Variants in CDH18 observed in about 807,000 individuals in gnomAD.
CDH18 encodes cadherin 18, also known as cadherin-18.
In CDH18, 31 loss-of-function variants were observed where a neutral mutation model predicts 67.9. The observed-to-expected ratio is 0.46, with a 90% CI of 0.34 to 0.62. The LOEUF (loss-of-function observed/expected upper bound fraction) is 0.62. CDH18 is among the 20% of genes least tolerant of loss of function. CDH18 has a pLI of 0.01. For missense variants in CDH18, 890 were observed against 975.5 expected, an observed-to-expected ratio of 0.91 and a Z score of 1.17; for synonymous variants, 362 against 347.2, an observed-to-expected ratio of 1.04 and a Z score of -0.48.
At position 20,028,103 on chromosome 5, in the gene CDH18, A is replaced by ATTT. The variant is rs560141098; in HGVS notation, c.-517-36092_-517-36090dup. Among the ~76,000 whole-genome samples, 8 of 144,494 alleles carry ATTT rather than the reference A, an allele frequency of 5.5e-5. No homozygotes were observed. The East Asian group carries it at 6.0e-4, about 11-fold the overall frequency. The allele number at this position is 144,494 out of a possible 152,430, so 94.8% of individuals were successfully genotyped here. On this transcript the variant is annotated intron_variant, in intron 2 of 14. Coordinates refer to the CDH18 transcript ENST00000507958. ...TTATTGACCATAAAAACAACTTTCT[A>ATTT]TTTTTTTTTTTTGCAAACATAATTG...
intron 9 of CDH18, among the ~76,000 whole-genome samples, chr5:19,533,037 C>T (rs560001650): frequency 1.4e-4 from 22 of 152,254 alleles, no homozygotes; most frequent in Non-Finnish European, 2.9e-4. Flanking sequence ...AACATTGCAG[C>T]TGCAGATTAA....
rs573897720 is a variant in CDH18, at chr5:19,968,233, G to A, written c.-257+12827C>T. ...AAAAACATTCCATGCTCATGGGTGG[G>A]AAGAATCAATATCGTGAAAATGGCC... On this transcript the variant is annotated intron_variant, in intron 2 of 12. Coordinates refer to ENST00000382275, the MANE Select transcript of CDH18 (RefSeq NM_004934.5). 6.2e-4 allele frequency among the ~76,000 whole-genome samples: 94 copies of A among 152,110 alleles called. No homozygotes were observed. In the South Asian group the frequency reaches 0.016, roughly 26 times the overall value.
rs115254309 is a variant in CDH18, at chr5:20,075,691, C to A, written c.-517-83677G>T. On this transcript the variant is annotated intron_variant, in intron 2 of 14. Transcript: ENST00000507958. Reference sequence around the variant, plus strand: ...GAAGGCTAAGTGTTTGTATAAGATTCAAGGTGGGACAGTAAAAATAGAGCT... The same window carrying A: ...GAAGGCTAAGTGTTTGTATAAGATTAAAGGTGGGACAGTAAAAATAGAGCT... Among the ~76,000 whole-genome samples the A allele has an allele frequency of 6.7e-3, 1,022 of 152,202 alleles. 5 individuals are homozygous for A. The highest frequency in any genetic ancestry group is 0.011 in the Non-Finnish European group (732 of 68,012).
rs183266645 is a variant in CDH18 at position 20,289,602 on chromosome 5, C to T, written c.-579-34097G>A. 1.5e-3 allele frequency among the ~76,000 whole-genome samples: 229 copies of T among 152,044 alleles called. 2 individuals are homozygous for T. Among genetic ancestry groups the T allele is most frequent in the African/African-American group, 5.3e-3 (221 of 41,492 alleles). ...ACAGTCAATATCTTTCTTAATGAAT[C>T]TCAGTTTCCTCATTAATGAAATAAG... is the stretch of plus-strand genomic sequence containing the variant. On this transcript the variant is annotated intron_variant, in intron 1 of 14. Coordinates refer to the CDH18 transcript ENST00000507958.
chr5:20,368,187 T>C (rs960780256), intron 1 of CDH18, among the ~76,000 whole-genome samples: 2 of 152,204 alleles, frequency 1.3e-5, no homozygotes, highest in African/African-American at 4.8e-5. Flanking sequence ...GAAAAAGATA[T>C]GTAAGAGCTT....
chr5:20,156,225 T>C (rs1204826251), intron 2 of CDH18, among the ~76,000 whole-genome samples: 1 of 152,128 alleles, frequency 6.6e-6, no homozygotes, highest in East Asian at 1.9e-4. Flanking sequence ...AGCTATCCTG[T>C]ACTGGGTATA....
intron 5 of CDH18, among the ~76,000 whole-genome samples, chr5:19,614,872 G>C (rs1749557759): frequency 6.6e-6 from 1 of 152,136 alleles, no homozygotes. Context: ...TCTTGGCTGG[G>C]CGCGGCGGCT....
At chr5:19,983,913 A>C (rs1799305538) in intron 1 of CDH18, among the ~76,000 whole-genome samples, 1 of 152,216 alleles carries the variant, frequency 6.6e-6, no homozygotes, top group African/African-American at 2.4e-5. Context: ...TGCAATAATC[A>C]AAATGCATAA....
intron 2 of CDH18, among the ~76,000 whole-genome samples, chr5:19,969,709 G>A (rs987104750): frequency 7.2e-6 from 1 of 138,300 alleles, no homozygotes; most frequent in Admixed American, 7.3e-5. Context: ...TGGGGGGAGC[G>A]GGGAGGGATA....
In CDH18 at chr5:19,897,272, C is replaced by T. The variant is rs569283877; in HGVS notation, c.-256-58030G>A. ...AAAGAAATGGGCAAAATGTTTAAAC[C>T]GAATGTCTTCACTAGAGTGATATCC... On this transcript the variant is annotated intron_variant, in intron 2 of 12. Transcript: ENST00000382275. Among the ~76,000 whole-genome samples, 281 of 151,822 alleles carry T rather than the reference C, an allele frequency of 1.9e-3. 1 individual carries two copies. The highest frequency in any genetic ancestry group is 6.5e-3 in the African/African-American group (269 of 41,422).
intron 2 of CDH18, among the ~76,000 whole-genome samples, chr5:19,948,131 A>G (rs940219813): frequency 5.9e-5 from 9 of 152,198 alleles, no homozygotes; most frequent in Non-Finnish European, 1.0e-4. Flanking sequence ...TGATGAAGAC[A>G]TAGAAAAACT....
chr5:20,046,331 C>T (rs80220781), intron 2 of CDH18, among the ~76,000 whole-genome samples: 1,742 of 151,900 alleles, frequency 0.011, 39 homozygotes, highest in African/African-American at 0.04. Context: ...AGATGAGGAA[C>T]AGTTGGGGAG....
At chr5:20,519,175 A>C (rs13190303) in intron 1 of CDH18, among the ~76,000 whole-genome samples, 1 of 151,978 alleles carries the variant, frequency 6.6e-6, no homozygotes, top group East Asian at 1.9e-4. Flanking sequence ...TCTGAAGAAA[A>C]AAATGACAAA....
chr5:20,470,888 G>A (rs1449934471), intron 1 of CDH18, among the ~76,000 whole-genome samples: 1 of 152,138 alleles, frequency 6.6e-6, no homozygotes, highest in African/African-American at 2.4e-5. Flanking sequence ...AATTCATTAA[G>A]TCTATCTCCA....
chr5:19,722,038 T>C (rs1250191541), intron 4 of CDH18, among the ~76,000 whole-genome samples: 3 of 152,094 alleles, frequency 2.0e-5, no homozygotes, highest in Non-Finnish European at 4.4e-5. Flanking sequence ...CCTTTTTTTG[T>C]CCATTTGTTT....
At chr5:20,481,221 A>G (rs1023798527) in intron 1 of CDH18, among the ~76,000 whole-genome samples, 7 of 151,714 alleles carry the variant, frequency 4.6e-5, no homozygotes, top group African/African-American at 1.7e-4. Flanking sequence ...AAAAAAAAAC[A>G]TAAAAAGAGA....
chr5:20,560,026 C>T (rs1441662273), intron 1 of CDH18, among the ~76,000 whole-genome samples: 3 of 152,080 alleles, frequency 2.0e-5, no homozygotes, highest in African/African-American at 7.2e-5. Flanking sequence ...ACTTTATTGA[C>T]CCATGGTTTG....
chr5:19,609,375 T>C (rs1038928113), intron 6 of CDH18, among the ~76,000 whole-genome samples: 7 of 152,104 alleles, frequency 4.6e-5, no homozygotes, highest in Non-Finnish European at 7.4e-5. Flanking sequence ...GCTACCCTTG[T>C]AGTTGGGCAT....
At chr5:20,137,608 G>A (rs755033722) in intron 2 of CDH18, among the ~76,000 whole-genome samples, 2 of 151,926 alleles carry the variant, frequency 1.3e-5, no homozygotes, top group Non-Finnish European at 2.9e-5. Context: ...GTCATTCTCC[G>A]TCCACCTTTG....
Sources: gnomAD v4.1 joint callset for allele counts (sites outside exome capture counted in the v4.1 genomes callset) on GRCh38, gnomAD v4.1.1 for gene constraint, MANE v1.5 for transcripts, NCBI Gene and HGNC (gene_info 2026-07-23, HGNC 2026-07-21) for gene names.